The following SMARCAL1 variants were observed in gnomAD, a reference collection of about 807,000 sequenced individuals.
The protein encoded by SMARCAL1 is ATP-driven annealing helicase.
Under a neutral mutation model 94.5 loss-of-function variants are expected in SMARCAL1, and 58 were observed. The ratio of observed to expected loss-of-function variants is 0.61; its 90% confidence interval spans 0.50 to 0.76. SMARCAL1 has a LOEUF of 0.76. Among genes scored for constraint, SMARCAL1 ranks in the 30% least tolerant of loss-of-function variants. The pLI is 0.00. For synonymous variants in SMARCAL1, 422 were observed against 455.1 expected, an observed-to-expected ratio of 0.93 and a Z score of 0.93; for missense variants, 1,051 against 1,177.9, an observed-to-expected ratio of 0.89 and a Z score of 1.58.
At chr2:216,414,602 T>C in intron 2 of SMARCAL1, 45 bp from the exon 3 acceptor site, 1 of 982,526 alleles carries the variant, frequency 1.0e-6, no homozygotes, top group South Asian at 1.4e-5. Context: ...GTATGACAAT[T>C]AATACATGTA....
chr2:216,436,398 C>A (rs916476858), intron 9 of SMARCAL1, among the ~76,000 whole-genome samples: 20 of 152,180 alleles, frequency 1.3e-4, no homozygotes, highest in African/African-American at 4.8e-4. Context: ...GACTTGGTAC[C>A]CAGCCATCTC....
Position 216,475,209 on chromosome 2 carries a change from G to C in SMARCAL1, c.2245-60G>C. ...CTGTGCTGGAGCTGTGGCTGGGTGT[G>C]GTTTGCTGAGAAGCCCCCGGGGCTG... is the stretch of plus-strand genomic sequence containing the variant. On this transcript the variant is annotated intron_variant, in intron 14 of 17. Coordinates refer to ENST00000357276, the MANE Select transcript of SMARCAL1 (RefSeq NM_014140.4). The surrounding 1 kb of genome is among the most constrained non-coding windows in gnomAD (Gnocchi z 4.4). 1 of 1,575,224 alleles carries C rather than the reference G, an allele frequency of 6.3e-7. No homozygotes were observed. The highest frequency in any genetic ancestry group is 1.1e-5 in the South Asian group (1 of 90,224).
At chr2:216,461,359 G>GCTTTAAGATATATTTTT (rs1694697659) in intron 12 of SMARCAL1, among the ~76,000 whole-genome samples, 1 of 151,486 alleles carries the variant, frequency 6.6e-6, no homozygotes, top group African/African-American at 2.4e-5. Flanking sequence ...TGTATATGTT[G>GCTTTAAGATATATTTTT]CTTTAAGATA....
intron 6 of SMARCAL1, among the ~76,000 whole-genome samples, chr2:216,423,971 A>G (rs951560957): frequency 4.6e-5 from 7 of 152,226 alleles, no homozygotes; most frequent in Non-Finnish European, 1.0e-4. Context: ...TGCTAGAAGC[A>G]TGGGTACATA....
chr2:216,458,117 T>C (rs539861081), intron 12 of SMARCAL1, among the ~76,000 whole-genome samples: 2 of 152,202 alleles, frequency 1.3e-5, no homozygotes, highest in East Asian at 3.9e-4. Flanking sequence ...ACATACACTC[T>C]CCCAAGACTA....
intron 12 of SMARCAL1, among the ~76,000 whole-genome samples, chr2:216,452,192 T>C (rs192388884): frequency 8.5e-5 from 13 of 152,308 alleles, no homozygotes; most frequent in Admixed American, 7.8e-4. Flanking sequence ...TGTAGACATA[T>C]AGACCAGTGT....
chr2:216,471,105 G>A (rs987503760), intron 14 of SMARCAL1, among the ~76,000 whole-genome samples: 2 of 151,896 alleles, frequency 1.3e-5, no homozygotes, highest in African/African-American at 4.8e-5. Context: ...ACAAAGTTTG[G>A]GTAATTGCCT....
chr2:216,471,633 C>T (rs989728987), intron 14 of SMARCAL1, among the ~76,000 whole-genome samples: 1 of 152,132 alleles, frequency 6.6e-6, no homozygotes, highest in Non-Finnish European at 1.5e-5. Context: ...AGATTACAGG[C>T]GTGAGCCACC....
chr2:216,428,293 G>C (rs1430790971), intron 6 of SMARCAL1, among the ~76,000 whole-genome samples: 2 of 152,056 alleles, frequency 1.3e-5, no homozygotes, highest in Admixed American at 1.3e-4. Flanking sequence ...TTCTTTTTCT[G>C]TTTCTCTATT....
At chr2:216,463,510 A>G (rs1694754456) in intron 12 of SMARCAL1, among the ~76,000 whole-genome samples, 1 of 152,104 alleles carries the variant, frequency 6.6e-6, no homozygotes. Flanking sequence ...GTTTCAGATT[A>G]TGAATTTTGG....
At chr2:216,440,049 GAAAA>G (rs60422006) in intron 10 of SMARCAL1, among the ~76,000 whole-genome samples, 8 of 122,112 alleles carry the variant, frequency 6.6e-5, no homozygotes, top group Non-Finnish European at 7.7e-5. Context: ...CTCAAAAAAA[GAAAA>G]AAAAAAAAAA....
At chr2:216,463,991 G>T (rs1479467644) in intron 12 of SMARCAL1, among the ~76,000 whole-genome samples, 3 of 152,168 alleles carry the variant, frequency 2.0e-5, no homozygotes, top group Non-Finnish European at 4.4e-5. Context: ...GCAGTGAGCC[G>T]AGATCGCGCC....
intron 14 of SMARCAL1, among the ~76,000 whole-genome samples, chr2:216,474,434 C>G (rs1242871031): frequency 2.1e-5 from 3 of 143,652 alleles, no homozygotes; most frequent in Admixed American, 6.9e-5. Flanking sequence ...GCCACTGTGC[C>G]TGGCCTATAG....
chr2:216,473,365 CTT>C (rs74269760), intron 14 of SMARCAL1, among the ~76,000 whole-genome samples: 3 of 138,160 alleles, frequency 2.2e-5, no homozygotes, highest in Middle Eastern at 3.7e-3. Context: ...CTTGGTTTTC[CTT>C]TTTTTTTTTT....
At chr2:216,416,872 G>T (rs1276671905) in intron 4 of SMARCAL1, among the ~76,000 whole-genome samples, 3 of 152,222 alleles carry the variant, frequency 2.0e-5, no homozygotes, top group Non-Finnish European at 4.4e-5. Flanking sequence ...GCAAGTTCCA[G>T]CTAATGCAGT....
In SMARCAL1 at chr2:216,482,903, T is replaced by C; in HGVS notation, c.2791T>C (p.Leu931=). Reference sequence around the variant, plus strand: ...GGGAGACACCCTGGATGAAAGCTCATTGACAGCCAGTCCACAGAAGAAAAG... The same window carrying C: ...GGGAGACACCCTGGATGAAAGCTCACTGACAGCCAGTCCACAGAAGAAAAG... ...NMGDTLDESS[L]TASPQKKRRF... Residue 931 remains leucine, a synonymous_variant, in exon 18 of 18, where the codon TTG becomes CTG. Transcript: ENST00000357276. The surrounding 1 kb of genome is among the most constrained non-coding windows in gnomAD (Gnocchi z 4.3). 6.2e-7 allele frequency: 1 copy of C among 1,614,202 alleles called. No individual in the cohort carries two copies. The highest frequency in any genetic ancestry group is 8.5e-7 in the Non-Finnish European group (1 of 1,180,036).
At chr2:216,480,028 G>A (rs1695163184) in intron 17 of SMARCAL1, among the ~76,000 whole-genome samples, 1 of 152,138 alleles carries the variant, frequency 6.6e-6, no homozygotes, top group African/African-American at 2.4e-5. Flanking sequence ...TTTCAGCCTA[G>A]GCAACAGAGA....
At chr2:216,463,792 C>T (rs1238116801) in intron 12 of SMARCAL1, among the ~76,000 whole-genome samples, 1 of 152,178 alleles carries the variant, frequency 6.6e-6, no homozygotes, top group African/African-American at 2.4e-5. Context: ...CCTGTAATCC[C>T]AGCACTTTGG....
At chr2:216,444,285 C>T (rs1694258384) in intron 10 of SMARCAL1, among the ~76,000 whole-genome samples, 2 of 151,972 alleles carry the variant, frequency 1.3e-5, no homozygotes, top group African/African-American at 4.8e-5. Flanking sequence ...GGGTATAAGA[C>T]TGGACTGAGC....
Sources: allele counts gnomAD v4.1 joint callset (sites outside exome capture counted in the v4.1 genomes callset), GRCh38; gene constraint gnomAD v4.1.1; non-coding constraint Gnocchi (gnomAD v3.1); transcripts MANE v1.5; gene names NCBI Gene and HGNC (gene_info 2026-07-23, HGNC 2026-07-21).